The following OAF variants were observed in gnomAD, a reference collection of about 807,000 sequenced individuals.
OAF encodes the protein out at first homolog.
OAF carries 13 observed loss-of-function variants against 22.5 expected under a neutral mutation model. The observed-to-expected ratio is 0.58, with a 90% CI of 0.38 to 0.92. The LOEUF (loss-of-function observed/expected upper bound fraction) is 0.92. Among genes scored for constraint, OAF ranks in the 40% least tolerant of loss-of-function variants. The pLI, the probability that OAF is intolerant of heterozygous loss-of-function variation, is 0.00. For synonymous variants in OAF, 175 were observed against 170.5 expected (o/e 1.03, Z -0.21); for missense variants, 347 against 381.8 (o/e 0.91, Z 0.76).
In OAF at chr11:120,228,896, G is replaced by A; in HGVS notation, c.576G>A (p.Leu192=). The A allele has an allele frequency of 6.5e-7, 1 of 1,543,382 alleles. No homozygotes were observed. The highest frequency in any genetic ancestry group is 1.8e-5 in the Admixed American group (1 of 56,742). The change falls in exon 4 of 4, where the codon CTG becomes CTA. Residue 192 remains leucine (L), a synonymous_variant. Coordinates refer to ENST00000328965, the MANE Select transcript of OAF (RefSeq NM_178507.4). ...QGVDSSVFEA[L]PKASEQAELP... ...TGGACAGTTCTGTGTTCGAGGCTCTGCCCAAGGCCTCAGAGCAGGCGGAGC... is the reference window on the plus strand; with the variant it reads ...TGGACAGTTCTGTGTTCGAGGCTCTACCCAAGGCCTCAGAGCAGGCGGAGC...
At chr11:120,212,340 T>C (rs1938160677) in intron 1 of OAF, among the ~76,000 whole-genome samples, 2 of 151,804 alleles carry the variant, frequency 1.3e-5, no homozygotes, top group Non-Finnish European at 1.5e-5. Flanking sequence ...TGTGTGTGTG[T>C]CTGTGTTGGA....
At chr11:120,213,352 T>G (rs1250356081) in intron 1 of OAF, among the ~76,000 whole-genome samples, 1 of 152,090 alleles carries the variant, frequency 6.6e-6, no homozygotes, top group Non-Finnish European at 1.5e-5. Context: ...ATCTGGAGAT[T>G]GTGAGCACCT....
At chr11:120,216,941 C>T (rs1353586041) in intron 1 of OAF, among the ~76,000 whole-genome samples, 2 of 152,186 alleles carry the variant, frequency 1.3e-5, no homozygotes, top group African/African-American at 2.4e-5. Context: ...CTGGAGCTCT[C>T]AAGTGAGGCT....
At chr11:120,226,669 T>G in intron 2 of OAF, 147 bp from the exon 3 acceptor site, 1 of 636,950 alleles carries the variant, frequency 1.6e-6, no homozygotes, top group East Asian at 2.7e-5. Context: ...TCACTGCCAG[T>G]TGGAGAGGGG....
At chr11:120,216,527 G>A (rs1938214921) in intron 1 of OAF, among the ~76,000 whole-genome samples, 1 of 152,206 alleles carries the variant, frequency 6.6e-6, no homozygotes, top group Non-Finnish European at 1.5e-5. Context: ...CAGGCTCACT[G>A]ACATGGGGCT....
intron 1 of OAF, among the ~76,000 whole-genome samples, chr11:120,213,366 T>A (rs1591357351): frequency 1.3e-5 from 2 of 152,106 alleles, no homozygotes; most frequent in African/African-American, 4.8e-5. Flanking sequence ...AGCACCTCAT[T>A]TGAATCTCTA....
At chr11:120,223,442 C>T (rs1400950760) in intron 1 of OAF, among the ~76,000 whole-genome samples, 1 of 152,118 alleles carries the variant, frequency 6.6e-6, no homozygotes. Context: ...TGTTTTTTCT[C>T]TTCTAGTTAC....
intron 1 of OAF, among the ~76,000 whole-genome samples, chr11:120,224,368 A>G (rs937281989): frequency 6.6e-6 from 1 of 152,184 alleles, no homozygotes; most frequent in Non-Finnish European, 1.5e-5. Flanking sequence ...CGCTGACCCC[A>G]TGTGAGAATC....
intron 1 of OAF, among the ~76,000 whole-genome samples, chr11:120,221,124 A>G (rs1218976316): frequency 1.3e-5 from 2 of 152,110 alleles, no homozygotes; most frequent in Admixed American, 1.3e-4. Flanking sequence ...CTTTACCTCC[A>G]TTGCACTTGG....
intron 1 of OAF, among the ~76,000 whole-genome samples, chr11:120,223,674 A>G (rs891749050): frequency 6.6e-6 from 1 of 152,230 alleles, no homozygotes; most frequent in Non-Finnish European, 1.5e-5. Flanking sequence ...TCTTTTGCCA[A>G]CGGTAGTCAG....
rs1444326470 is a variant in OAF at position 120,211,173 on chromosome 11, GCTCCCGGGC to G, written c.-106_-98del. 2 of 543,282 alleles carry G rather than the reference GCTCCCGGGC, an allele frequency of 3.7e-6. No individual in the cohort carries two copies. The highest frequency in any genetic ancestry group is 1.1e-4 in the East Asian group (2 of 18,464). 33.7% of individuals were successfully genotyped at this position (543,282 alleles called of 1,614,324 possible). On this transcript the variant is annotated 5_prime_UTR_variant, in exon 1 of 4. Coordinates refer to ENST00000328965, the MANE Select transcript of OAF (RefSeq NM_178507.4). ...CGCGGCCAAGGCCCCCGGCGGAGCG[GCTCCCGGGC>G]GCCCCGAACTAGCCCCCAACTTTGG...
At chr11:120,216,053 C>T (rs977617481) in intron 1 of OAF, among the ~76,000 whole-genome samples, 1 of 152,148 alleles carries the variant, frequency 6.6e-6, no homozygotes, top group African/African-American at 2.4e-5. Context: ...TGTGGGTCAG[C>T]TCAGGGCCGC....
At chr11:120,227,680 C>A (rs936118400) in intron 3 of OAF, among the ~76,000 whole-genome samples, 2 of 152,120 alleles carry the variant, frequency 1.3e-5, no homozygotes. Context: ...TTTTCCAGGA[C>A]CGCCCTCAGG....
At chr11:120,221,509 T>G (rs747670696) in intron 1 of OAF, among the ~76,000 whole-genome samples, 10 of 152,258 alleles carry the variant, frequency 6.6e-5, no homozygotes, top group Non-Finnish European at 1.5e-4. Flanking sequence ...TTCACTCATT[T>G]ATTCCCTGCA....
rs759810409 is a variant in OAF, at chr11:120,230,268, C to CA, written c.*1127dup. The CA allele has an allele frequency of 2.6e-5, 4 of 152,246 alleles. No individual in the cohort carries two copies. The highest frequency in any genetic ancestry group is 6.5e-5 in the Admixed American group (1 of 15,278). The allele number at this position is 152,246 out of a possible 1,614,324, so 9.4% of individuals were successfully genotyped here. ...CTCGGCTACTTACCTGCTGTGCAGC[C>CA]ATGGGTCAAGTTGCTTGACCTCTCT... On this transcript the variant is annotated 3_prime_UTR_variant, in exon 4 of 4. Coordinates refer to ENST00000328965, the MANE Select transcript of OAF (RefSeq NM_178507.4).
chr11:120,229,156 T>C lies in OAF; in HGVS notation c.*14T>C, dbSNP rs751754283. 6.2e-7 allele frequency: 1 copy of C among 1,603,322 alleles called. No individual in the cohort carries two copies. Among genetic ancestry groups the C allele is most frequent in the Non-Finnish European group, 8.5e-7 (1 of 1,173,084 alleles). ...TACCCAGGCTAGGGTGGGAGCAACC[T>C]GGCGGGTGGCTGCTCTGGGCCCACT... On this transcript the variant is annotated 3_prime_UTR_variant, in exon 4 of 4. Transcript: ENST00000328965.
At chr11:120,216,498 A>T (rs1437286099) in intron 1 of OAF, among the ~76,000 whole-genome samples, 1 of 152,196 alleles carries the variant, frequency 6.6e-6, no homozygotes, top group Non-Finnish European at 1.5e-5. Context: ...ATTTACAAGA[A>T]GTCGCCAGAT....
Position 120,211,454 on chromosome 11 carries a change from C to T in OAF, c.175C>T (p.Leu59Phe). 1.9e-6 allele frequency: 3 copies of T among 1,544,660 alleles called. No homozygotes were observed. The highest frequency in any genetic ancestry group is 1.4e-5 in the African/African-American group (1 of 70,898). The change falls in exon 1 of 4, where the codon CTC becomes TTC. Residue 59 changes from leucine to phenylalanine, a missense_variant. Transcript: ENST00000328965. ...QADSDADSIS[L>F]ELRKPDGTLV... ...GGACAGCGACGCGGACAGCATCAGCCTCGAGCTGCGCAAGCCCGACGGCAC... is the reference window on the plus strand; with the variant it reads ...GGACAGCGACGCGGACAGCATCAGCTTCGAGCTGCGCAAGCCCGACGGCAC...
chr11:120,222,666 C>A (rs1187131323), intron 1 of OAF, among the ~76,000 whole-genome samples: 1 of 152,148 alleles, frequency 6.6e-6, no homozygotes, highest in Admixed American at 6.5e-5. Flanking sequence ...GTAATCCCAA[C>A]ACTTTGGGAG....
Sources: gnomAD v4.1 joint callset for allele counts (sites outside exome capture counted in the v4.1 genomes callset) on GRCh38, gnomAD v4.1.1 for gene constraint, MANE v1.5 for transcripts, NCBI Gene and HGNC (gene_info 2026-07-23, HGNC 2026-07-21) for gene names.